The following SAMD12 variants were observed in gnomAD, a reference collection of about 807,000 sequenced individuals.
SAMD12 encodes sterile alpha motif domain containing 12.
Under a neutral mutation model 15.0 loss-of-function variants are expected in SAMD12, and 9 were observed. The ratio of observed to expected loss-of-function variants is 0.60; its 90% CI spans 0.36 to 1.05. The LOEUF is 1.05. Among genes scored for constraint, SAMD12 ranks in the 50% least tolerant of loss-of-function variants. The pLI is 0.01. For missense variants in SAMD12, 230 were observed against 234.2 expected (o/e 0.98, Z 0.12); for synonymous variants, 86 against 90.1 (o/e 0.96, Z 0.25).
At chr8:118,467,751 G>C (rs1214637686) in intron 2 of SAMD12, among the ~76,000 whole-genome samples, 1 of 152,150 alleles carries the variant, frequency 6.6e-6, no homozygotes, top group Non-Finnish European at 1.5e-5. Flanking sequence ...GTCAATTATG[G>C]TCTAAGACAA....
At chr8:118,291,439 A>C (rs1026723340) in intron 4 of SAMD12, 3 of 152,166 alleles carry the variant, frequency 2.0e-5, no homozygotes, top group Admixed American at 2.0e-4. Context: ...AAAAACAGGA[A>C]GTGGAAAAAA....
At chr8:118,376,756 A>G (rs1240089486), downstream of SAMD12, among the ~76,000 whole-genome samples, 1 of 150,806 alleles carries the variant, frequency 6.6e-6, no homozygotes, top group Non-Finnish European at 1.5e-5. Flanking sequence ...AAAACATTCC[A>G]AAGTCTTTGT....
intron 2 of SAMD12, among the ~76,000 whole-genome samples, chr8:118,566,060 T>G (rs534865969): frequency 1.5e-4 from 23 of 152,304 alleles, no homozygotes; most frequent in African/African-American, 5.1e-4. Flanking sequence ...AGTCTTCTCT[T>G]TATAAGTCCC....
intron 2 of SAMD12, among the ~76,000 whole-genome samples, chr8:118,516,626 TTTTC>T (rs1194183089): frequency 1.8e-4 from 25 of 140,252 alleles, no homozygotes; most frequent in African/African-American, 5.3e-4. Flanking sequence ...TTGTTTATAT[TTTTC>T]TTTCTTTCTT....
chr8:118,354,793 G>C (rs1488019211), intron 4 of SAMD12, among the ~76,000 whole-genome samples: 1 of 152,186 alleles, frequency 6.6e-6, no homozygotes, highest in African/African-American at 2.4e-5. Flanking sequence ...AGATATCCTT[G>C]TATTGTCCTC....
At chr8:118,200,623 T>A (rs1819689245) in intron 4 of SAMD12, among the ~76,000 whole-genome samples, 1 of 152,078 alleles carries the variant, frequency 6.6e-6, no homozygotes, top group African/African-American at 2.4e-5. Flanking sequence ...CAGAGGAGTG[T>A]CATCTTTGAA....
At chr8:118,163,862 G>A in the SAMD12 span, among the ~76,000 whole-genome samples, 34 of 144,746 alleles carry the variant, frequency 2.3e-4, no homozygotes, top group East Asian at 5.5e-3. Context: ...GAGACAGAGC[G>A]AGACTCCGTC....
chr8:118,180,668 G>C, the SAMD12 span, among the ~76,000 whole-genome samples: 1 of 151,788 alleles, frequency 6.6e-6, no homozygotes, highest in Admixed American at 6.6e-5. Flanking sequence ...CGCCTCCCAG[G>C]CTCAAGCAAT....
chr8:118,511,728 C>T (rs1415717781), intron 2 of SAMD12, among the ~76,000 whole-genome samples: 2 of 152,134 alleles, frequency 1.3e-5, no homozygotes, highest in Non-Finnish European at 2.9e-5. Context: ...CATGGGGCTT[C>T]ACAATGGCAT....
intron 4 of SAMD12, among the ~76,000 whole-genome samples, chr8:118,203,916 C>CT (rs553180835): frequency 0.2 from 30,493 of 148,796 alleles, 3,209 homozygotes; most frequent in African/African-American, 0.24. Flanking sequence ...TGAACTCATC[C>CT]TTTTTTTTTT....
At chr8:118,392,930 T>C (rs1400068612) in intron 3 of SAMD12, among the ~76,000 whole-genome samples, 1 of 152,038 alleles carries the variant, frequency 6.6e-6, no homozygotes, top group Admixed American at 6.6e-5. Flanking sequence ...GAACCATTGG[T>C]TTAGGAGTTT....
intron 1 of SAMD12, among the ~76,000 whole-genome samples, chr8:118,617,391 G>A (rs1412969638): frequency 6.6e-6 from 1 of 152,180 alleles, no homozygotes; most frequent in Non-Finnish European, 1.5e-5. Flanking sequence ...CTCTTCTACA[G>A]GAGAAAAAAC....
chr8:118,389,089 G>A (rs1413050407), intron 3 of SAMD12, among the ~76,000 whole-genome samples: 1 of 152,164 alleles, frequency 6.6e-6, no homozygotes, highest in Non-Finnish European at 1.5e-5. Flanking sequence ...GGGATTCTCG[G>A]TTAAGTCACA....
intron 4 of SAMD12, among the ~76,000 whole-genome samples, chr8:118,351,625 T>A (rs1019334725): frequency 4.6e-5 from 7 of 152,028 alleles, no homozygotes; most frequent in African/African-American, 1.7e-4. Flanking sequence ...CATACACTAG[T>A]TAGACTAAGA....
chr8:118,600,693 T>A (rs2131298079), intron 1 of SAMD12, among the ~76,000 whole-genome samples: 1 of 152,308 alleles, frequency 6.6e-6, no homozygotes, highest in South Asian at 2.1e-4. Context: ...TAGACATCAA[T>A]AATGTGTCCT....
chr8:118,315,930 C>T (rs1164191306), intron 4 of SAMD12, among the ~76,000 whole-genome samples: 1 of 152,154 alleles, frequency 6.6e-6, no homozygotes, highest in South Asian at 2.1e-4. Context: ...GATCTAACTG[C>T]TTAGAGATTT....
intron 4 of SAMD12, among the ~76,000 whole-genome samples, chr8:118,372,193 A>C (rs1007788881): frequency 5.3e-5 from 8 of 152,178 alleles, no homozygotes; most frequent in African/African-American, 7.2e-5. Flanking sequence ...TTTCTTTCTC[A>C]GGAGCAAGAA....
chr8:118,270,407 C>T (rs1813326821), intron 4 of SAMD12, among the ~76,000 whole-genome samples: 1 of 152,108 alleles, frequency 6.6e-6, no homozygotes, highest in South Asian at 2.1e-4. Context: ...AGTCCTCTTG[C>T]TATATATTTC....
intron 4 of SAMD12, among the ~76,000 whole-genome samples, chr8:118,209,843 A>G (rs1238781136): frequency 6.6e-6 from 1 of 152,176 alleles, no homozygotes; most frequent in Non-Finnish European, 1.5e-5. Flanking sequence ...GACATACTGT[A>G]TCTAGAGAAG....
Sources: allele counts gnomAD v4.1 joint callset (sites outside exome capture counted in the v4.1 genomes callset), GRCh38; gene constraint gnomAD v4.1.1; transcripts MANE v1.5; gene names NCBI Gene and HGNC (gene_info 2026-07-23, HGNC 2026-07-21).